Variants in ECPAS observed in about 807,000 individuals in gnomAD.
The protein encoded by ECPAS is proteasome adapter and scaffold protein ECM29.
A neutral mutation model predicts 255.1 loss-of-function variants in ECPAS; 70 were observed. The ratio of observed to expected loss-of-function variants is 0.27; its 90% CI spans 0.23 to 0.33. The LOEUF (loss-of-function observed/expected upper bound fraction) is 0.33, where lower values mean the gene tolerates loss of function less well. ECPAS is among the 10% of genes least tolerant of loss of function. The pLI is 1.00. For synonymous variants in ECPAS, 784 were observed against 775.0 expected, an observed-to-expected ratio of 1.01 and a Z score of -0.19; for missense variants, 1,817 against 2,206.4, an observed-to-expected ratio of 0.82 and a Z score of 3.54.
At chr9:111,476,220 T>C (rs901377747) in intron 1 of ECPAS, among the ~76,000 whole-genome samples, 1 of 152,210 alleles carries the variant, frequency 6.6e-6, no homozygotes, top group South Asian at 2.1e-4. Flanking sequence ...CTTATAATTA[T>C]AAAGCCCAGA....
intron 3 of ECPAS, among the ~76,000 whole-genome samples, chr9:111,450,701 G>A (rs1177356249): frequency 6.6e-6 from 1 of 152,212 alleles, no homozygotes; most frequent in African/African-American, 2.4e-5. Flanking sequence ...GCCGAGGCAG[G>A]TGGATTGCTT....
intron 8 of ECPAS, 59 bp from the exon 9 acceptor site, chr9:111,430,687 C>T (rs932646189): frequency 2.7e-6 from 3 of 1,110,374 alleles, no homozygotes; most frequent in Admixed American, 2.4e-5. Context: ...TCAGTGATTT[C>T]AAAAAAATTA....
At chr9:111,368,072 T>C (rs765580595) in intron 46 of ECPAS, among the ~76,000 whole-genome samples, 15 of 150,714 alleles carry the variant, frequency 1.0e-4, no homozygotes, top group Non-Finnish European at 1.8e-4. Context: ...AATACTAAGA[T>C]CTTCAGCAGG....
chr9:111,363,565 A>G, intron 49 of ECPAS, 23 bp downstream of exon 49: 5 of 1,435,294 alleles, frequency 3.5e-6, no homozygotes, highest in East Asian at 2.3e-5. Context: ...ATGGTCCCCC[A>G]GTCAGAACTA....
chr9:111,371,482 C>G (rs1473135214), intron 43 of ECPAS, 139 bp downstream of exon 43: 5 of 819,826 alleles, frequency 6.1e-6, no homozygotes, highest in Non-Finnish European at 7.9e-6. Flanking sequence ...CAAGGTTTAC[C>G]CAAAGCTTCC....
intron 2 of ECPAS, among the ~76,000 whole-genome samples, chr9:111,468,149 C>CA (rs1317339076): frequency 2.6e-5 from 4 of 152,080 alleles, no homozygotes; most frequent in African/African-American, 9.6e-5. Context: ...GACTCAGCCT[C>CA]AAAAAACAAA....
chr9:111,412,955 CAA>C (rs879597865), intron 20 of ECPAS, among the ~76,000 whole-genome samples: 1 of 145,228 alleles, frequency 6.9e-6, no homozygotes, highest in Non-Finnish European at 1.5e-5. Flanking sequence ...AACACTTATA[CAA>C]AAAAAAAAAT....
chr9:111,410,007 T>C, intron 23 of ECPAS, 34 bp downstream of exon 23: 1 of 1,512,602 alleles, frequency 6.6e-7, no homozygotes, highest in Non-Finnish European at 9.0e-7. Flanking sequence ...AAAGACCGAA[T>C]TCCAGAAAGG....
intron 49 of ECPAS, among the ~76,000 whole-genome samples, chr9:111,363,154 A>C (rs1315512366): frequency 1.5e-5 from 2 of 130,790 alleles, no homozygotes; most frequent in African/African-American, 5.5e-5. Context: ...AAAAGAGGTT[A>C]GGGGAGAAGA....
chr9:111,453,986 A>C (rs1354150654), intron 2 of ECPAS, among the ~76,000 whole-genome samples: 1 of 152,192 alleles, frequency 6.6e-6, no homozygotes, highest in Non-Finnish European at 1.5e-5. Context: ...AGTTTAGTTT[A>C]AAAAATTAAT....
chr9:111,472,867 C>T, intron 2 of ECPAS, 30 bp downstream of exon 2: 3 of 830,998 alleles, frequency 3.6e-6, no homozygotes, highest in East Asian at 8.2e-5. Context: ...AAAAAAAATG[C>T]ACACATCCTA....
chr9:111,436,780 ATAAC>A (rs555418364), intron 7 of ECPAS, among the ~76,000 whole-genome samples, 156 bp downstream of exon 7: 21 of 152,368 alleles, frequency 1.4e-4, no homozygotes, highest in Middle Eastern at 3.4e-3. Context: ...GGCTTAATAA[ATAAC>A]TAGCATGAAA....
intron 9 of ECPAS, among the ~76,000 whole-genome samples, chr9:111,428,453 A>G (rs2098224926): frequency 6.6e-6 from 1 of 152,222 alleles, no homozygotes; most frequent in Non-Finnish European, 1.5e-5. Context: ...ACTATTTTCC[A>G]AAGCAAAAAA....
chr9:111,425,561 G>A, intron 11 of ECPAS, 65 bp from the exon 12 acceptor site: 1 of 1,202,378 alleles, frequency 8.3e-7, no homozygotes, highest in Non-Finnish European at 1.2e-6. Context: ...CTTTACGGAT[G>A]ATTACATAAA....
rs937595192 is a variant in ECPAS, at chr9:111,379,712, G to A, written c.3804-982C>T. Among the ~76,000 whole-genome samples, 13 of 152,164 alleles carry A rather than the reference G, an allele frequency of 8.5e-5. No homozygotes were observed. In the South Asian group the frequency reaches 2.7e-3, roughly 32 times the overall value. On this transcript the variant is annotated intron_variant, in intron 35 of 49. Coordinates refer to ENST00000684092, the MANE Select transcript of ECPAS (RefSeq NM_001364929.1). The stretch of plus-strand genomic sequence containing the variant: ...TTGTTGCTTTATCAACTAAGTTTAT[G>A]AAATATTCTAAATCCTTTGTGGTCA...
chr9:111,458,469 C>G (rs1471250535), intron 2 of ECPAS, among the ~76,000 whole-genome samples: 2 of 152,146 alleles, frequency 1.3e-5, no homozygotes, highest in Non-Finnish European at 2.9e-5. Context: ...GTGGGACCCT[C>G]TAATCACATT....
chr9:111,444,003 A>AT (rs139346138), intron 4 of ECPAS, among the ~76,000 whole-genome samples: 19,286 of 152,060 alleles, frequency 0.13, 1,520 homozygotes, highest in East Asian at 0.34. Flanking sequence ...CATTTTACTA[A>AT]TTTTTTCTTC....
chr9:111,436,246 G>A (rs140940811), intron 7 of ECPAS, among the ~76,000 whole-genome samples: 1 of 152,212 alleles, frequency 6.6e-6, no homozygotes, highest in Non-Finnish European at 1.5e-5. Flanking sequence ...AATAAAGGAA[G>A]GATTAGAAGA....
chr9:111,373,447 C>G, intron 39 of ECPAS, 41 bp from the exon 40 acceptor site: 1 of 1,536,980 alleles, frequency 6.5e-7, no homozygotes, highest in East Asian at 2.2e-5. Flanking sequence ...ACTTGGTTGA[C>G]CAAATGTTCC....
Sources: gnomAD v4.1 joint callset for allele counts (sites outside exome capture counted in the v4.1 genomes callset) on GRCh38, gnomAD v4.1.1 for gene constraint, MANE v1.5 for transcripts, NCBI Gene and HGNC (gene_info 2026-07-23, HGNC 2026-07-21) for gene names.